Variants in CCDC33 observed in about 807,000 individuals in gnomAD.
CCDC33 encodes the protein coiled-coil domain containing 33, also known as coiled-coil domain-containing protein 33.
A neutral mutation model predicts 91.9 loss-of-function variants in CCDC33; 94 were observed. The observed-to-expected ratio is 1.02, with a 90% confidence interval of 0.87 to 1.21. The LOEUF is 1.21. Ranked by LOEUF, CCDC33 falls within the 50% of genes most tolerant of loss-of-function variation. The probability of loss-of-function intolerance (pLI) is 0.00; values close to 1 mark genes in which losing one functional copy is unlikely to be tolerated. For synonymous variants in CCDC33, 396 were observed against 374.5 expected (o/e 1.06, Z -0.66); for missense variants, 940 against 935.5 (o/e 1.00, Z -0.06).
chr15:74,207,982 G>A (rs1303707373), intron 1 of CCDC33: 2 of 1,416,328 alleles, frequency 1.4e-6, no homozygotes, highest in African/African-American at 2.9e-5. Context: ...CATGTGGGAG[G>A]GTCAGAAGCA....
chr15:74,279,853 T>C, intron 7 of CCDC33, 110 bp from the exon 8 acceptor site: 1 of 1,452,678 alleles, frequency 6.9e-7, no homozygotes, highest in East Asian at 2.3e-5. Flanking sequence ...CTTTTATAGT[T>C]GGGAGAAACA....
At chr15:74,308,950 C>A (rs1481362468) in intron 11 of CCDC33, among the ~76,000 whole-genome samples, 1 of 152,020 alleles carries the variant, frequency 6.6e-6, no homozygotes, top group Non-Finnish European at 1.5e-5. Flanking sequence ...AAGATGAAGA[C>A]CTCACCCTCC....
intron 11 of CCDC33, among the ~76,000 whole-genome samples, chr15:74,315,163 G>A (rs921218666): frequency 6.6e-5 from 10 of 152,246 alleles, no homozygotes; most frequent in Non-Finnish European, 1.3e-4. Context: ...CAGGGGACCA[G>A]GGAGGCATCT....
At chr15:74,335,665 C>T (rs1461974729) in intron 18 of CCDC33, 4 of 413,600 alleles carry the variant, frequency 9.7e-6, no homozygotes, top group South Asian at 3.8e-5. Context: ...AGCTCAGCAG[C>T]GGCTCCTGGG....
At chr15:74,262,337 C>T (rs1595972267) in intron 2 of CCDC33, 103 bp from the exon 3 acceptor site, 2 of 1,462,068 alleles carry the variant, frequency 1.4e-6, no homozygotes, top group Non-Finnish European at 9.4e-7. Context: ...TCTCCATATT[C>T]TGTCCACCTT....
intron 10 of CCDC33, among the ~76,000 whole-genome samples, chr15:74,284,707 C>G (rs542532236): frequency 6.6e-6 from 1 of 152,276 alleles, no homozygotes; most frequent in South Asian, 2.1e-4. Context: ...GAAACTCAAA[C>G]AAGGTGACAT....
intron 2 of CCDC33, among the ~76,000 whole-genome samples, chr15:74,262,014 A>G (rs1463590337): frequency 1.3e-5 from 2 of 152,092 alleles, no homozygotes; most frequent in African/African-American, 2.4e-5. Context: ...AAGAGAGGAC[A>G]GCCAGGCGGG....
intron 11 of CCDC33, among the ~76,000 whole-genome samples, chr15:74,310,363 C>G (rs184780240): frequency 6.6e-6 from 1 of 151,992 alleles, no homozygotes; most frequent in Admixed American, 6.6e-5. Flanking sequence ...ATGGTGAAAC[C>G]CCGTTTCTAC....
chr15:74,217,608 G>T (rs2074479837), intron 1 of CCDC33: 1 of 1,197,920 alleles, frequency 8.3e-7, no homozygotes. Context: ...GGGTTTGGGG[G>T]AGAGAAAGAC....
At chr15:74,331,767 T>C (rs960671385) in intron 15 of CCDC33, among the ~76,000 whole-genome samples, 2 of 152,204 alleles carry the variant, frequency 1.3e-5, no homozygotes, top group Non-Finnish European at 2.9e-5. Flanking sequence ...CAATGGTTCA[T>C]GCCTGTAATC....
At chr15:74,221,569 C>T (rs1037941926) in intron 2 of CCDC33, 2 of 152,578 alleles carry the variant, frequency 1.3e-5, no homozygotes, top group Non-Finnish European at 2.9e-5. Context: ...CTTCGCTTCT[C>T]CAGTCCCCAA....
chr15:74,266,495 C>G (rs1198397040), intron 3 of CCDC33, among the ~76,000 whole-genome samples, 183 bp from the exon 4 acceptor site: 1 of 152,188 alleles, frequency 6.6e-6, no homozygotes, highest in Non-Finnish European at 1.5e-5. Context: ...TGCAGGGGCT[C>G]AGACTGTGCT....
At chr15:74,238,773 G>A (rs1039914854) in intron 1 of CCDC33, among the ~76,000 whole-genome samples, 1 of 151,384 alleles carries the variant, frequency 6.6e-6, no homozygotes, top group African/African-American at 2.4e-5. Flanking sequence ...TATGAGTTCA[G>A]GGGGGCATCC....
chr15:74,276,584 C>G (rs1596006909), intron 7 of CCDC33, among the ~76,000 whole-genome samples: 1 of 152,168 alleles, frequency 6.6e-6, no homozygotes. Context: ...GAGGAGCAGC[C>G]AGGGCATCCC....
intron 3 of CCDC33, among the ~76,000 whole-genome samples, 153 bp from the exon 4 acceptor site, chr15:74,266,525 G>A (rs1566981912): frequency 6.6e-6 from 1 of 152,108 alleles, no homozygotes; most frequent in Non-Finnish European, 1.5e-5. Context: ...GTGTGCACAG[G>A]GGTGATCCAC....
At position 74,257,668 on chromosome 15, in the gene CCDC33, C is replaced by G. The variant is rs75122278; in HGVS notation, c.186-4772C>G. 7.3e-3 allele frequency among the ~76,000 whole-genome samples: 1,108 copies of G among 152,354 alleles called. 9 individuals are homozygous for G. Among genetic ancestry groups the G allele is most frequent in the African/African-American group, 0.021 (885 of 41,586 alleles). On this transcript the variant is annotated intron_variant, in intron 2 of 18. Coordinates refer to ENST00000398814, the MANE Select transcript of CCDC33 (RefSeq NM_025055.5). ...CACCTGCATCAGCCAAACAGCCCCC[C>G]TCAAGCCTCACCTTCTCTCCTCTAA... is the stretch of plus-strand genomic sequence containing the variant.
chr15:74,323,232 C>T (rs1325648231), intron 11 of CCDC33, among the ~76,000 whole-genome samples: 3 of 152,166 alleles, frequency 2.0e-5, no homozygotes, highest in Non-Finnish European at 4.4e-5. Flanking sequence ...CACCAAGAGG[C>T]TCCCTCTGCA....
chr15:74,260,228 C>T (rs555129610), intron 2 of CCDC33, among the ~76,000 whole-genome samples: 15 of 152,164 alleles, frequency 9.9e-5, no homozygotes, highest in African/African-American at 3.1e-4. Context: ...AAAAAGGGAC[C>T]CGAGGGTGGA....
chr15:74,307,346 T>C (rs143525089), intron 11 of CCDC33, among the ~76,000 whole-genome samples: 1,638 of 152,320 alleles, frequency 0.011, 17 homozygotes, highest in Middle Eastern at 0.051. Flanking sequence ...TCGTACTCTG[T>C]ACCCAGAACT....
Sources: gnomAD v4.1 joint callset for allele counts (sites outside exome capture counted in the v4.1 genomes callset) on GRCh38, gnomAD v4.1.1 for gene constraint, MANE v1.5 for transcripts, NCBI Gene and HGNC (gene_info 2026-07-23, HGNC 2026-07-21) for gene names.